Variants in WTIP observed in about 807,000 individuals in gnomAD.
The protein encoded by WTIP is Wilms tumor protein 1-interacting protein.
A neutral mutation model predicts 41.7 loss-of-function variants in WTIP; 23 were observed. The ratio of observed to expected loss-of-function variants is 0.55; its 90% confidence interval spans 0.40 to 0.78. The LOEUF (loss-of-function observed/expected upper bound fraction) is 0.78. Ranked by LOEUF, WTIP falls within the 30% of genes least tolerant of loss-of-function variation. WTIP has a pLI of 0.00. For missense variants in WTIP, 619 were observed against 610.5 expected (o/e 1.01, Z -0.15); for synonymous variants, 314 against 269.9 (o/e 1.16, Z -1.60).
rs761343429 is a variant in WTIP, at chr19:34,501,153, G to A, written c.*884G>A. ...GAGGATATTTTCATTTTCTTTAAAA[G>A]AATATAATTTTCTTCTAAGATCTTG... On this transcript the variant is annotated 3_prime_UTR_variant, in exon 8 of 8. Transcript: ENST00000590071. 6.6e-6 allele frequency: 1 copy of A among 152,656 alleles called. No homozygotes were observed. The highest frequency in any genetic ancestry group is 1.5e-5 in the Non-Finnish European group (1 of 68,036). 9.5% of individuals were successfully genotyped at this position (152,656 alleles called of 1,614,324 possible).
Position 34,501,427 on chromosome 19 carries a change from G to C in WTIP, c.*1158G>C, listed in dbSNP as rs1308396844. ...GTGGAGGTCCCTCCGTGCTCCCCGG[G>C]ACACACTGACGGGAATGTGGGGTCT... On this transcript the variant is annotated 3_prime_UTR_variant, in exon 8 of 8. Transcript: ENST00000590071. The C allele has an allele frequency of 6.6e-6, 1 of 152,294 alleles. No individual in the cohort carries two copies. The highest frequency in any genetic ancestry group is 2.4e-5 in the African/African-American group (1 of 41,472). 9.4% of individuals were successfully genotyped at this position (152,294 alleles called of 1,614,324 possible).
At chr19:34,489,867 G>A (rs1388227375) in intron 1 of WTIP, among the ~76,000 whole-genome samples, 1 of 152,150 alleles carries the variant, frequency 6.6e-6, no homozygotes, top group Non-Finnish European at 1.5e-5. Context: ...CTAGGAGGTT[G>A]AGGCTGCAGT....
intron 7 of WTIP, among the ~76,000 whole-genome samples, chr19:34,497,788 G>A (rs2075862738): frequency 6.6e-6 from 1 of 152,182 alleles, no homozygotes; most frequent in African/African-American, 2.4e-5. Flanking sequence ...GGAGGACAAG[G>A]AGCAGGGATG....
At chr19:34,487,852 A>C (rs894719163) in intron 1 of WTIP, among the ~76,000 whole-genome samples, 1 of 152,166 alleles carries the variant, frequency 6.6e-6, no homozygotes, top group African/African-American at 2.4e-5. Context: ...TGACCCTGTA[A>C]AGGGGACACG....
chr19:34,498,177 TG>T (rs1482905727), intron 7 of WTIP, among the ~76,000 whole-genome samples: 1 of 152,084 alleles, frequency 6.6e-6, no homozygotes, highest in African/African-American at 2.4e-5. Context: ...TCAGGGGCTC[TG>T]GGTAACGGGT....
At position 34,493,660 on chromosome 19, in the gene WTIP, C is replaced by T. The variant is rs541235166; in HGVS notation, c.1031+38C>T. Reference sequence around the variant, plus strand: ...TGCTGTGGAGCAGGCGGGACTCGGGCCGTCCTCCCTGGCTCCTCTGGAAGC... The same window carrying T: ...TGCTGTGGAGCAGGCGGGACTCGGGTCGTCCTCCCTGGCTCCTCTGGAAGC... On this transcript the variant is annotated intron_variant, in intron 5 of 7. Coordinates refer to ENST00000590071, the MANE Select transcript of WTIP (RefSeq NM_001080436.2). The surrounding 1 kb of genome is among the most constrained non-coding windows in gnomAD (Gnocchi z 4.1). 3 of 1,610,976 alleles carry T rather than the reference C, an allele frequency of 1.9e-6. No individual in the cohort carries two copies. In the East Asian group the frequency reaches 6.7e-5, roughly 36 times the overall value.
rs1474864691 is a variant in WTIP at position 34,495,751 on chromosome 19, G to A, written c.1132G>A (p.Val378Met). ...GGTGTCCATGGACAGAGACTACCAC[G>A]TGGCATGTTACCACTGTGAGGTGAG... is the stretch of plus-strand genomic sequence containing the variant. ...RVVSMDRDYH[V>M]ACYHCEDCGL... The change falls in exon 7 of 8, where the codon GTG becomes ATG. Residue 378 changes from valine to methionine, a missense_variant. Val to Met is a conservative substitution (Grantham distance 21). This residue lies in a region of WTIP where 92 missense variants were observed against 82.4 expected (regional missense o/e 1.12). Transcript: ENST00000590071. 9 of 1,613,764 alleles carry A rather than the reference G, an allele frequency of 5.6e-6. No homozygotes were observed. The highest frequency in any genetic ancestry group is 1.7e-5 in the Admixed American group (1 of 60,004).
intron 1 of WTIP, among the ~76,000 whole-genome samples, chr19:34,484,459 T>TGTGGCTGGGCAGGTCTC (rs1224394985): frequency 1.3e-5 from 2 of 151,798 alleles, no homozygotes; most frequent in Non-Finnish European, 2.9e-5. Flanking sequence ...GGTGAGACTC[T>TGTGGCTGGGCAGGTCTC]GTGGCTGGGC....
intron 7 of WTIP, among the ~76,000 whole-genome samples, chr19:34,496,934 C>T (rs1361962810): frequency 6.6e-6 from 1 of 152,140 alleles, no homozygotes; most frequent in East Asian, 1.9e-4. Flanking sequence ...ACTATCTCAG[C>T]TCACTGCAAG....
rs535218179 is a variant in WTIP at position 34,489,807 on chromosome 19, G to A, written c.668-569G>A. On this transcript the variant is annotated intron_variant, in intron 1 of 7. Coordinates refer to ENST00000590071, the MANE Select transcript of WTIP (RefSeq NM_001080436.2). The stretch of plus-strand genomic sequence containing the variant: ...AAATCAGCCGTGCGTGATGGCATGT[G>A]CCAGAAGTCCTAGCTACTTGGGAGG... Among the ~76,000 whole-genome samples the A allele has an allele frequency of 7.2e-5, 11 of 152,304 alleles. No individual in the cohort carries two copies. In the South Asian group the frequency reaches 8.3e-4, roughly 11 times the overall value.
chr19:34,482,268 C>A lies in WTIP; in HGVS notation c.294C>A (p.Gly98=). The stretch of plus-strand genomic sequence containing the variant: ...GGGCCAGCCTGGCGGGGTCCGACGG[C>A]GGCGGCGGTGGCGGCAGCGCCCGAT... ...SPRASLAGSD[G]GGGGGSARSS... The change falls in exon 1 of 8, where the codon GGC becomes GGA. Residue 98 remains glycine (G), a synonymous_variant. Coordinates refer to ENST00000590071, the MANE Select transcript of WTIP (RefSeq NM_001080436.2). The A allele has an allele frequency of 1.5e-6, 2 of 1,298,600 alleles. No individual in the cohort carries two copies. The highest frequency in any genetic ancestry group is 2.0e-6 in the Non-Finnish European group (2 of 1,016,140). 80.4% of individuals were successfully genotyped at this position (1,298,600 alleles called of 1,614,324 possible).
In WTIP at chr19:34,482,647, C is replaced by T; in HGVS notation, c.667+6C>T. 1 of 1,227,570 alleles carries T rather than the reference C, an allele frequency of 8.1e-7. No individual in the cohort carries two copies. The highest frequency in any genetic ancestry group is 1.0e-6 in the Non-Finnish European group (1 of 985,270). 76.0% of individuals were successfully genotyped at this position (1,227,570 alleles called of 1,614,324 possible). ...CACGGCGCGGGACTACTTCGGTGAG[C>T]TCGCTCGGCCCGGCAGTTCCCTGCG... On this transcript the variant is annotated splice_donor_region_variant and intron_variant, in intron 1 of 7. Transcript: ENST00000590071.
intron 2 of WTIP, among the ~76,000 whole-genome samples, chr19:34,491,731 G>A (rs2075826250): frequency 6.6e-6 from 1 of 151,788 alleles, no homozygotes; most frequent in South Asian, 2.1e-4. Context: ...TGCCACCTCC[G>A]TGTCCCAGTT....
Position 34,500,275 on chromosome 19 carries a change from G to T in WTIP, c.*6G>T. 1 of 1,603,126 alleles carries T rather than the reference G, an allele frequency of 6.2e-7. No individual in the cohort carries two copies. Among genetic ancestry groups the T allele is most frequent in the East Asian group, 2.2e-5 (1 of 44,662 alleles). Reference sequence around the variant, plus strand: ...TGCACGTCACTGAGCTCTGAGCAGGGGAAAACCCGTCCCTGGGCCGGGGTG... The same window carrying T: ...TGCACGTCACTGAGCTCTGAGCAGGTGAAAACCCGTCCCTGGGCCGGGGTG... On this transcript the variant is annotated 3_prime_UTR_variant, in exon 8 of 8. Coordinates refer to ENST00000590071, the MANE Select transcript of WTIP (RefSeq NM_001080436.2).
intron 1 of WTIP, among the ~76,000 whole-genome samples, chr19:34,484,511 T>C (rs1193724678): frequency 6.6e-6 from 1 of 152,022 alleles, no homozygotes; most frequent in Non-Finnish European, 1.5e-5. Context: ...AGCAGGGAGA[T>C]GTGCCAGGAG....
At chr19:34,491,531 C>T in intron 2 of WTIP, among the ~76,000 whole-genome samples, 1 of 151,540 alleles carries the variant, frequency 6.6e-6, no homozygotes, top group Non-Finnish European at 1.5e-5. Context: ...CACCATGTGG[C>T]CAGGATGGTC....
intron 1 of WTIP, among the ~76,000 whole-genome samples, chr19:34,483,484 C>G (rs893928370): frequency 2.0e-5 from 3 of 152,174 alleles, no homozygotes; most frequent in Non-Finnish European, 4.4e-5. Flanking sequence ...ACCGCCTGAC[C>G]CAGGCTTTGG....
rs139134715 is a variant in WTIP, at chr19:34,510,924, A to G, written c.*10655A>G. 74 of 152,352 alleles carry G rather than the reference A, an allele frequency of 4.9e-4. No individual in the cohort carries two copies. The highest frequency in any genetic ancestry group is 1.7e-3 in the African/African-American group (71 of 41,570). 9.4% of individuals were successfully genotyped at this position (152,352 alleles called of 1,614,324 possible). A position where few individuals can be genotyped will look rare whatever the true frequency, so the allele number is the denominator to read the frequency against. On this transcript the variant is annotated 3_prime_UTR_variant, in exon 8 of 8. Coordinates refer to ENST00000590071, the MANE Select transcript of WTIP (RefSeq NM_001080436.2). The stretch of plus-strand genomic sequence containing the variant: ...CACATCAGCCTGGACCTTAGTATTC[A>G]TATCACTATCAGCATTTTTATCAAA...
Position 34,503,831 on chromosome 19 carries a change from T to A in WTIP, c.*3562T>A, listed in dbSNP as rs2075899603. ...CTGCACTGGTCCAAGTCCAGCCTGGTTGCCTAGTGAAGGATCCACAGTGGG... is the reference window on the plus strand; with the variant it reads ...CTGCACTGGTCCAAGTCCAGCCTGGATGCCTAGTGAAGGATCCACAGTGGG... On this transcript the variant is annotated 3_prime_UTR_variant, in exon 8 of 8. Coordinates refer to ENST00000590071, the MANE Select transcript of WTIP (RefSeq NM_001080436.2). The A allele has an allele frequency of 6.6e-6, 1 of 152,370 alleles. No individual in the cohort carries two copies. The highest frequency in any genetic ancestry group is 1.5e-5 in the Non-Finnish European group (1 of 68,188). The allele number at this position is 152,370 out of a possible 1,614,324, so 9.4% of individuals were successfully genotyped here. A position where few individuals can be genotyped will look rare whatever the true frequency, so the allele number is the denominator to read the frequency against.
Sources: allele counts gnomAD v4.1 joint callset (sites outside exome capture counted in the v4.1 genomes callset), GRCh38; gene constraint gnomAD v4.1.1; regional missense constraint gnomAD v4.1.1; non-coding constraint Gnocchi (gnomAD v3.1); transcripts MANE v1.5; gene names NCBI Gene and HGNC (gene_info 2026-07-23, HGNC 2026-07-21).